Variants in GABRR3 observed in about 807,000 individuals in gnomAD.
GABRR3 encodes the protein gamma-aminobutyric acid receptor subunit rho-3.
Under a neutral mutation model 43.2 loss-of-function variants are expected in GABRR3, and 29 were observed. That is an observed-to-expected ratio of 0.67 (90% CI 0.50 to 0.92). The LOEUF is 0.92. Ranked by LOEUF, GABRR3 falls within the 40% of genes least tolerant of loss-of-function variation. GABRR3 has a pLI of 0.00. For missense variants in GABRR3, 576 were observed against 572.3 expected (o/e 1.01, Z -0.07); for synonymous variants, 206 against 195.9 (o/e 1.05, Z -0.43).
At chr3:98,011,291 T>G (rs1706788410) in intron 5 of GABRR3, among the ~76,000 whole-genome samples, 1 of 152,208 alleles carries the variant, frequency 6.6e-6, no homozygotes, top group Admixed American at 6.5e-5. Flanking sequence ...ATCTGGTGGT[T>G]TAATACAACA....
At chr3:98,006,766 T>C (rs1413915182) in intron 7 of GABRR3, among the ~76,000 whole-genome samples, 1 of 152,148 alleles carries the variant, frequency 6.6e-6, no homozygotes, top group African/African-American at 2.4e-5. Context: ...AGGGGAATGA[T>C]AGTGGAGGGT....
intron 2 of GABRR3, among the ~76,000 whole-genome samples, chr3:98,028,007 C>T (rs832044): frequency 0.8 from 122,146 of 152,052 alleles, 49,389 homozygotes; most frequent in East Asian, 0.99. Flanking sequence ...CCATCATGTA[C>T]CTTTGTAAGA....
chr3:98,005,336 C>T (rs1313010990), intron 7 of GABRR3, among the ~76,000 whole-genome samples: 1 of 151,906 alleles, frequency 6.6e-6, no homozygotes, highest in Non-Finnish European at 1.5e-5. Context: ...AAAATATATT[C>T]TTCCGTAACT....
At chr3:97,989,943 G>GCT (rs1322535708) in intron 9 of GABRR3, among the ~76,000 whole-genome samples, 1 of 152,002 alleles carries the variant, frequency 6.6e-6, no homozygotes, top group African/African-American at 2.4e-5. Context: ...CCCACAACTG[G>GCT]CTCTCTCTCT....
intron 9 of GABRR3, among the ~76,000 whole-genome samples, chr3:97,988,054 G>C (rs1706409755): frequency 6.6e-6 from 1 of 151,888 alleles, no homozygotes; most frequent in African/African-American, 2.4e-5. Context: ...ATTCATCCAT[G>C]GCTCCCCCGA....
rs72918445 is a variant in GABRR3, at chr3:98,026,389, C to T, written c.126-710G>A. On this transcript the variant is annotated intron_variant, in intron 2 of 9. Coordinates refer to ENST00000621172, the Ensembl canonical transcript of GABRR3. ...GGCCTCTTGGCCCTAGGTGTCCTGA[C>T]TGGGAATAAGGCCCTGTCTCTCCCT... Among the ~76,000 whole-genome samples the T allele has an allele frequency of 6.2e-3, 943 of 152,224 alleles. 7 individuals are homozygous for T. The highest frequency in any genetic ancestry group is 0.021 in the African/African-American group (881 of 41,538).
chr3:97,985,674 A>G (rs1706375258), downstream of GABRR3, among the ~76,000 whole-genome samples: 1 of 152,162 alleles, frequency 6.6e-6, no homozygotes, highest in African/African-American at 2.4e-5. Context: ...TTTGTTGAAC[A>G]AAGTGATTAA....
intron 9 of GABRR3, among the ~76,000 whole-genome samples, chr3:97,988,999 G>T (rs1706425899): frequency 6.6e-6 from 1 of 150,868 alleles, no homozygotes; most frequent in South Asian, 2.1e-4. Flanking sequence ...TGGTGGTGTT[G>T]GTAGATGGTG....
chr3:98,029,947 T>G (rs539799749), intron 2 of GABRR3, among the ~76,000 whole-genome samples: 1 of 151,902 alleles, frequency 6.6e-6, no homozygotes, highest in East Asian at 1.9e-4. Flanking sequence ...AAACCCCATC[T>G]CTACTAAAAA....
At chr3:98,023,881 T>A (rs1706980916) in intron 3 of GABRR3, among the ~76,000 whole-genome samples, 1 of 152,156 alleles carries the variant, frequency 6.6e-6, no homozygotes, top group African/African-American at 2.4e-5. Flanking sequence ...GCTCTCAAAT[T>A]GTGATTCTCA....
chr3:97,989,481 G>A (rs1706434610), intron 9 of GABRR3, among the ~76,000 whole-genome samples: 1 of 151,308 alleles, frequency 6.6e-6, no homozygotes, highest in African/African-American at 2.4e-5. Flanking sequence ...GGTGGTAGAG[G>A]GTGGATGGTG....
rs556163449 is a variant in GABRR3 at position 98,016,834 on chromosome 3, G to T, written c.306+821C>A. ...AATCACTTAAATGAAAAATGTCTCTGGTAATTATGTAAACAAGGAAAGTGG... is the reference window on the plus strand; with the variant it reads ...AATCACTTAAATGAAAAATGTCTCTTGTAATTATGTAAACAAGGAAAGTGG... On this transcript the variant is annotated intron_variant, in intron 4 of 9. Transcript: ENST00000621172. Among the ~76,000 whole-genome samples the T allele has an allele frequency of 1.2e-4, 19 of 152,172 alleles. No individual in the cohort carries two copies. In the South Asian group the frequency reaches 2.3e-3, roughly 18 times the overall value.
chr3:98,033,229 G>T (rs909985597), intron 2 of GABRR3, among the ~76,000 whole-genome samples: 94 of 152,248 alleles, frequency 6.2e-4, no homozygotes, highest in African/African-American at 2.0e-3. Flanking sequence ...AAATTTTAAT[G>T]AATCCCATTC....
chr3:98,028,605 G>T (rs76653341), intron 2 of GABRR3, among the ~76,000 whole-genome samples: 21 of 152,308 alleles, frequency 1.4e-4, no homozygotes, highest in Non-Finnish European at 2.8e-4. Context: ...TTCAGGAAGA[G>T]GGAGAGGGAT....
intron 2 of GABRR3, among the ~76,000 whole-genome samples, chr3:98,032,897 A>T (rs1177085705): frequency 3.9e-5 from 6 of 152,148 alleles, no homozygotes; most frequent in Non-Finnish European, 2.9e-5. Context: ...TTCATTACTT[A>T]ATTATTGGCT....
intron 7 of GABRR3, 29 bp from the exon 8 acceptor site, chr3:98,001,796 G>C (rs756937646): frequency 6.2e-7 from 1 of 1,611,780 alleles, no homozygotes; most frequent in South Asian, 1.1e-5. Flanking sequence ...GTTTTCATTA[G>C]AGCAAGCTTC....
rs1707093552 is a variant in GABRR3, at chr3:98,032,102, G to GTATAGTATAA, written c.125+2760_125+2761insTTATACTATA. Among the ~76,000 whole-genome samples the GTATAGTATAA allele has an allele frequency of 5.3e-5, 8 of 151,878 alleles. No individual in the cohort carries two copies. The South Asian group carries it at 1.5e-3, about 28-fold the overall frequency. On this transcript the variant is annotated intron_variant, in intron 2 of 9. Coordinates refer to ENST00000621172, the Ensembl canonical transcript of GABRR3. ...GTATAGTATAGTATAGTATAGTATA[G>GTATAGTATAA]TATAGTATAGTATAGTATAGTAATG...
chr3:97,999,319 T>C (rs893475919), intron 8 of GABRR3: 13 of 152,132 alleles, frequency 8.5e-5, no homozygotes, highest in African/African-American at 2.9e-4. Flanking sequence ...CTTCATACTT[T>C]CACTCTCTTT....
intron 8 of GABRR3, among the ~76,000 whole-genome samples, chr3:97,996,341 C>A (rs1706553087): frequency 6.6e-6 from 1 of 152,108 alleles, no homozygotes; most frequent in Non-Finnish European, 1.5e-5. Flanking sequence ...CAGAAACTGA[C>A]AACCATTTTC....
Sources: gnomAD v4.1 joint callset for allele counts (sites outside exome capture counted in the v4.1 genomes callset) on GRCh38, gnomAD v4.1.1 for gene constraint, MANE v1.5 for transcripts, NCBI Gene and HGNC (gene_info 2026-07-23, HGNC 2026-07-21) for gene names.